INAVA: variants seen among roughly 807,000 people sequenced by gnomAD.
The protein encoded by INAVA is innate immunity activator protein.
INAVA carries 32 observed loss-of-function variants against 55.3 expected under a neutral mutation model. The observed-to-expected ratio is 0.58, with a 90% CI of 0.44 to 0.78. The LOEUF (loss-of-function observed/expected upper bound fraction) is 0.78, where lower values mean the gene tolerates loss of function less well. Among genes scored for constraint, INAVA ranks in the 30% least tolerant of loss-of-function variants. The pLI, the probability that INAVA is intolerant of heterozygous loss-of-function variation, is 0.00. For synonymous variants in INAVA, 294 were observed against 329.4 expected, an observed-to-expected ratio of 0.89 and a Z score of 1.16; for missense variants, 756 against 786.4, an observed-to-expected ratio of 0.96 and a Z score of 0.46.
chr1:200,911,270 A>G (rs1653709441), intron 8 of INAVA, among the ~76,000 whole-genome samples, 183 bp from the exon 9 acceptor site: 1 of 152,132 alleles, frequency 6.6e-6, no homozygotes, highest in Admixed American at 6.5e-5. Context: ...GTTGGCACCC[A>G]CGCAGCCCGG....
At chr1:200,893,923 G>A (rs1042326760), upstream of INAVA, among the ~76,000 whole-genome samples, 1 of 151,868 alleles carries the variant, frequency 6.6e-6, no homozygotes, top group Non-Finnish European at 1.5e-5. Context: ...ACTGGAATCT[G>A]GGTCGGGGGA....
chr1:200,908,459 G>A (rs1653580625), intron 6 of INAVA: 1 of 353,166 alleles, frequency 2.8e-6, no homozygotes. Context: ...CAGGAACAAA[G>A]GTTAGAAAGT....
intron 2 of INAVA, 123 bp downstream of exon 2, chr1:200,898,578 T>G: frequency 9.0e-7 from 1 of 1,110,476 alleles, no homozygotes; most frequent in Non-Finnish European, 1.3e-6. Flanking sequence ...TCCCAAGGGC[T>G]GAGAGGAAGG....
At chr1:200,900,832 G>A (rs1201480880) in intron 4 of INAVA, 105 bp from the exon 5 acceptor site, 8 of 824,434 alleles carry the variant, frequency 9.7e-6, no homozygotes, top group Non-Finnish European at 1.5e-5. Context: ...TCTGTCCTCA[G>A]GGCTTAGGAC....
intron 6 of INAVA, 97 bp downstream of exon 6, chr1:200,907,984 T>C: frequency 9.8e-7 from 1 of 1,015,910 alleles, no homozygotes; most frequent in Non-Finnish European, 1.5e-6. Flanking sequence ...TAAGTGGGAG[T>C]GAAGGCTAGG....
upstream of INAVA, among the ~76,000 whole-genome samples, chr1:200,892,655 C>A (rs995523036): frequency 6.6e-6 from 1 of 152,162 alleles, no homozygotes; most frequent in Non-Finnish European, 1.5e-5. Flanking sequence ...TCCCCTGACT[C>A]CCCGGCCTGA....
intron 6 of INAVA, chr1:200,908,097 A>G (rs956977558): frequency 6.4e-6 from 3 of 465,694 alleles, no homozygotes; most frequent in Non-Finnish European, 1.2e-5. Context: ...CCCATTCTGG[A>G]AGCTCATTAT....
intron 6 of INAVA, 138 bp from the exon 7 acceptor site, chr1:200,908,592 C>T: frequency 1.4e-6 from 1 of 719,248 alleles, no homozygotes; most frequent in Non-Finnish European, 2.3e-6. Context: ...GCATCTAGGG[C>T]TGGAGCCATG....
rs1030902262 is a variant in INAVA, at chr1:200,896,509, G to A, written c.-95+1422G>A. Among the ~76,000 whole-genome samples the A allele has an allele frequency of 2.0e-5, 3 of 152,130 alleles. No individual in the cohort carries two copies. The South Asian group carries it at 6.2e-4, about 32-fold the overall frequency. ...TCCAGAATATATGGCCAATCTTTCA[G>A]AACTTTGGCATGTTTGCAAAGGCCT... On this transcript the variant is annotated intron_variant, in intron 1 of 9. Coordinates refer to ENST00000413687, the MANE Select transcript of INAVA (RefSeq NM_001142569.3).
chr1:200,911,779 C>G lies in INAVA; in HGVS notation c.1286C>G (p.Pro429Arg). The change falls in exon 9 of 10, where the codon CCT (proline) becomes CGT (arginine). Residue 429 changes from proline to arginine, a missense_variant. Around this residue, in one of 2 missense-constraint regions of INAVA, gnomAD observed 639 missense variants for 624.3 expected, o/e 1.02. Transcript: ENST00000413687. ...CACCACCCCAAGCTACTGCTGCCGCCTGGCTATTTCCCGGCGGGGCGGTAC... is the reference window on the plus strand; with the variant it reads ...CACCACCCCAAGCTACTGCTGCCGCGTGGCTATTTCCCGGCGGGGCGGTAC... ...VAHHPKLLLP[P>R]GYFPAGRYVV... 6.2e-7 allele frequency: 1 copy of G among 1,611,432 alleles called. No homozygotes were observed. Among genetic ancestry groups the G allele is most frequent in the Non-Finnish European group, 8.5e-7 (1 of 1,178,660 alleles).
chr1:200,908,691 C>T (rs1265588668), intron 6 of INAVA, 39 bp from the exon 7 acceptor site: 1 of 1,497,068 alleles, frequency 6.7e-7, no homozygotes, highest in Non-Finnish European at 8.9e-7. Flanking sequence ...GCCGGTTCCC[C>T]CAGCCTCTGG....
In INAVA at chr1:200,911,930, C is replaced by G; in HGVS notation, c.1437C>G (p.Arg479=). Reference sequence around the variant, plus strand: ...AGCGTCTGGTGCCCTCCCGCAGCCGCATCGTGCGGACGCCCTCCCTGAAGG... The same window carrying G: ...AGCGTCTGGTGCCCTCCCGCAGCCGGATCGTGCGGACGCCCTCCCTGAAGG... ...RYQRLVPSRS[R]IVRTPSLKDS... is the part of the protein sequence containing the mutation. The change falls in exon 9 of 10, where the codon CGC becomes CGG. Residue 479 remains arginine, a synonymous_variant. Coordinates refer to ENST00000413687, the MANE Select transcript of INAVA (RefSeq NM_001142569.3). 3 of 1,566,170 alleles carry G rather than the reference C, an allele frequency of 1.9e-6. No individual in the cohort carries two copies. The highest frequency in any genetic ancestry group is 2.6e-6 in the Non-Finnish European group (3 of 1,163,086).
Position 200,912,287 on chromosome 1 carries a change from A to G in INAVA, c.1644+150A>G, listed in dbSNP as rs192877774. On this transcript the variant is annotated intron_variant, in intron 9 of 9. Coordinates refer to ENST00000413687, the MANE Select transcript of INAVA (RefSeq NM_001142569.3). ...CCCGTCTAGGAAGAACAGGCCAAAAAATCATTTCCTCTTGGCTTTGGAAGG... is the reference window on the plus strand; with the variant it reads ...CCCGTCTAGGAAGAACAGGCCAAAAGATCATTTCCTCTTGGCTTTGGAAGG... 1.2e-3 allele frequency: 987 copies of G among 822,722 alleles called. 2 individuals carry two copies. Among genetic ancestry groups the G allele is most frequent in the Non-Finnish European group, 1.6e-3 (897 of 545,986 alleles). The allele number at this position is 822,722 out of a possible 1,614,324, so 51.0% of individuals were successfully genotyped here.
chr1:200,912,910 G>T (rs1653810478), intron 9 of INAVA, among the ~76,000 whole-genome samples: 1 of 152,112 alleles, frequency 6.6e-6, no homozygotes, highest in African/African-American at 2.4e-5. Context: ...CCTGACACTG[G>T]GTAGGGTGGC....
rs1653747771 is a variant in INAVA at position 200,911,838 on chromosome 1, G to A, written c.1345G>A (p.Glu449Lys). The A allele has an allele frequency of 1.2e-6, 2 of 1,601,138 alleles. No individual in the cohort carries two copies. Among genetic ancestry groups the A allele is most frequent in the East Asian group, 2.2e-5 (1 of 44,518 alleles). ...GGCTGAGAGCCCCCTGCCGCCTGGC[G>A]AGTGGGAGCTGCGCCGCGCAGCCCC... ...VVAESPLPPG[E>K]WELRRAAPGP... Residue 449 changes from glutamate to lysine, a missense_variant, in exon 9 of 10, where the codon GAG becomes AAG. Around this residue, in one of 2 missense-constraint regions of INAVA, gnomAD observed 639 missense variants for 624.3 expected, o/e 1.02. Coordinates refer to ENST00000413687, the MANE Select transcript of INAVA (RefSeq NM_001142569.3).
At chr1:200,908,038 G>C in intron 6 of INAVA, 151 bp downstream of exon 6, 1 of 579,472 alleles carries the variant, frequency 1.7e-6, no homozygotes, top group East Asian at 2.8e-5. Flanking sequence ...GTCAATTTCC[G>C]CATGTCCTTG....
chr1:200,906,818 A>G (rs986541756), intron 5 of INAVA, among the ~76,000 whole-genome samples: 1 of 152,260 alleles, frequency 6.6e-6, no homozygotes, highest in Non-Finnish European at 1.5e-5. Context: ...TACAAAAGTT[A>G]GAGTGAAATT....
chr1:200,907,423 A>C (rs1241264958), intron 5 of INAVA, among the ~76,000 whole-genome samples: 1 of 152,154 alleles, frequency 6.6e-6, no homozygotes. Context: ...TGGGAGGCCA[A>C]GGTGGGATGA....
intron 5 of INAVA, among the ~76,000 whole-genome samples, chr1:200,902,280 C>T (rs2102306775): frequency 6.6e-6 from 1 of 152,336 alleles, no homozygotes; most frequent in South Asian, 2.1e-4. Context: ...TGCCCTGCAG[C>T]CTATGCCTCA....
Sources: gnomAD v4.1 joint callset for allele counts (sites outside exome capture counted in the v4.1 genomes callset) on GRCh38, gnomAD v4.1.1 for gene constraint, gnomAD v4.1.1 regional missense constraint, MANE v1.5 for transcripts, NCBI Gene and HGNC (gene_info 2026-07-23, HGNC 2026-07-21) for gene names.